PYGO1: variants seen among roughly 807,000 people sequenced by gnomAD.
PYGO1 encodes the protein pygopus homolog 1.
In PYGO1, 6 loss-of-function variants were observed where a neutral mutation model predicts 29.5. That is an observed-to-expected ratio of 0.20 (90% CI 0.11 to 0.40). PYGO1 has a LOEUF of 0.40. PYGO1 is among the 10% of genes least tolerant of loss of function. The pLI, the probability that PYGO1 is intolerant of heterozygous loss-of-function variation, is 1.00. For synonymous variants in PYGO1, 186 were observed against 180.5 expected (o/e 1.03, Z -0.24); for missense variants, 515 against 514.9 (o/e 1.00, Z 0.00).
At chr15:55,548,180 C>T (rs188080101) in intron 2 of PYGO1, among the ~76,000 whole-genome samples, 3 of 151,996 alleles carry the variant, frequency 2.0e-5, no homozygotes, top group African/African-American at 7.2e-5. Context: ...CCACCACACC[C>T]GGCTAATTTT....
intron 1 of PYGO1, among the ~76,000 whole-genome samples, chr15:55,581,850 G>A (rs2059026124): frequency 6.6e-6 from 1 of 152,104 alleles, no homozygotes; most frequent in South Asian, 2.1e-4. Flanking sequence ...ATAATCAAAG[G>A]GATAAGCAAA....
At chr15:55,556,240 G>C (rs1010203472) in intron 1 of PYGO1, among the ~76,000 whole-genome samples, 12 of 152,070 alleles carry the variant, frequency 7.9e-5, no homozygotes, top group East Asian at 3.8e-4. Context: ...CTCTAAAATT[G>C]ATCACAATCG....
intron 1 of PYGO1, among the ~76,000 whole-genome samples, chr15:55,553,331 G>C (rs1567052033): frequency 6.6e-6 from 1 of 152,080 alleles, no homozygotes; most frequent in African/African-American, 2.4e-5. Flanking sequence ...AATCTAGGCA[G>C]TCTGGACAAA....
intron 1 of PYGO1, among the ~76,000 whole-genome samples, chr15:55,577,941 AT>A (rs1401409858): frequency 6.6e-6 from 1 of 151,852 alleles, no homozygotes; most frequent in Non-Finnish European, 1.5e-5. Context: ...TGCTTGGTGA[AT>A]TTTTTTATTT....
At position 55,548,981 on chromosome 15, in the gene PYGO1, G is replaced by A; in HGVS notation, c.64C>T (p.Leu22=). ...LKRVRGGDSG[L]DGLGGPGVQL... is the part of the protein sequence containing the mutation. ...ACACCTGGTCCTCCTAACCCATCCA[G>A]TCCACTATCACCACCTAAAAAAAAA... is the stretch of plus-strand genomic sequence containing the variant. Residue 22 remains leucine, a synonymous_variant, in exon 2 of 3, where the codon CTG becomes TTG. Coordinates refer to ENST00000563719, the MANE Select transcript of PYGO1 (RefSeq NM_001367806.1). 3.1e-6 allele frequency: 5 copies of A among 1,605,750 alleles called. No homozygotes were observed. The highest frequency in any genetic ancestry group is 4.2e-6 in the Non-Finnish European group (5 of 1,177,198).
intron 1 of PYGO1, among the ~76,000 whole-genome samples, chr15:55,579,025 T>A (rs1056944607): frequency 2.6e-5 from 4 of 152,216 alleles, no homozygotes; most frequent in Non-Finnish European, 5.9e-5. Flanking sequence ...TATTTTAATT[T>A]TAATTTGATG....
chr15:55,568,501 G>T (rs1169175468), intron 1 of PYGO1, among the ~76,000 whole-genome samples: 2 of 152,046 alleles, frequency 1.3e-5, no homozygotes, highest in Non-Finnish European at 2.9e-5. Flanking sequence ...TAGCCTTTTG[G>T]TGGAGTCCTT....
chr15:55,574,137 T>C (rs1488291950), intron 1 of PYGO1, among the ~76,000 whole-genome samples: 1 of 152,202 alleles, frequency 6.6e-6, no homozygotes, highest in East Asian at 1.9e-4. Context: ...CTAAAGATGA[T>C]GAAAAATATG....
chr15:55,570,092 C>A (rs990520835), intron 1 of PYGO1, among the ~76,000 whole-genome samples: 3 of 152,198 alleles, frequency 2.0e-5, no homozygotes, highest in African/African-American at 7.2e-5. Context: ...AAAGGTCAGT[C>A]AGAGAGAGGG....
intron 1 of PYGO1, among the ~76,000 whole-genome samples, chr15:55,568,103 T>G (rs1002164877): frequency 2.6e-5 from 4 of 152,232 alleles, no homozygotes; most frequent in African/African-American, 9.6e-5. Flanking sequence ...TTTTTTCCAA[T>G]TCTGTGAAAA....
At chr15:55,565,943 AG>A (rs1259314374) in intron 1 of PYGO1, among the ~76,000 whole-genome samples, 1 of 152,024 alleles carries the variant, frequency 6.6e-6, no homozygotes, top group African/African-American at 2.4e-5. Context: ...CACCACACTC[AG>A]CTAATTTTTG....
Position 55,574,465 on chromosome 15 carries a change from G to A in PYGO1, c.49+13370C>T, listed in dbSNP as rs139612971. 2.0e-4 allele frequency among the ~76,000 whole-genome samples: 30 copies of A among 152,170 alleles called. No individual in the cohort carries two copies. In the South Asian group the frequency reaches 3.3e-3, roughly 17 times the overall value. On this transcript the variant is annotated intron_variant, in intron 1 of 2. Coordinates refer to ENST00000563719, the MANE Select transcript of PYGO1 (RefSeq NM_001367806.1). ...TGTAATAGATTTGTGTAAGTTTTAC[G>A]GTAGTAAATAATAAAGTAGACTAGT... is the stretch of plus-strand genomic sequence containing the variant.
intron 1 of PYGO1, among the ~76,000 whole-genome samples, chr15:55,552,165 G>T (rs2058881593): frequency 6.6e-6 from 1 of 151,800 alleles, no homozygotes; most frequent in Non-Finnish European, 1.5e-5. Context: ...GACCAGCCTG[G>T]CAAACATGGC....
intron 1 of PYGO1, among the ~76,000 whole-genome samples, chr15:55,570,611 T>C (rs1207605849): frequency 6.6e-6 from 1 of 152,046 alleles, no homozygotes; most frequent in Non-Finnish European, 1.5e-5. Flanking sequence ...TTTAAATACA[T>C]TTTAAATTTT....
chr15:55,582,129 C>A (rs2059027485), intron 1 of PYGO1, among the ~76,000 whole-genome samples: 1 of 145,690 alleles, frequency 6.9e-6, no homozygotes, highest in Admixed American at 7.3e-5. Flanking sequence ...ATCGCTTGAA[C>A]CTGGGAGGCA....
intron 1 of PYGO1, among the ~76,000 whole-genome samples, chr15:55,551,394 G>A (rs1350358444): frequency 6.6e-6 from 1 of 152,068 alleles, no homozygotes; most frequent in Admixed American, 6.5e-5. Context: ...AGAAGCAGAG[G>A]GAACACTTCC....
intron 1 of PYGO1, among the ~76,000 whole-genome samples, chr15:55,587,353 A>T (rs909880966): frequency 6.9e-6 from 1 of 144,402 alleles, no homozygotes; most frequent in Non-Finnish European, 1.5e-5. Flanking sequence ...AATAAACTGA[A>T]TATTTGTTGC....
intron 1 of PYGO1, among the ~76,000 whole-genome samples, chr15:55,574,490 T>A (rs1408052249): frequency 1.3e-5 from 2 of 152,234 alleles, no homozygotes; most frequent in African/African-American, 4.8e-5. Context: ...AGTAGACTAG[T>A]GTCTACATAT....
At chr15:55,572,374 C>T (rs1409012450) in intron 1 of PYGO1, among the ~76,000 whole-genome samples, 1 of 152,182 alleles carries the variant, frequency 6.6e-6, no homozygotes, top group African/African-American at 2.4e-5. Context: ...AACTGGACAC[C>T]TATCTTATAA....
Sources: gnomAD v4.1 joint callset for allele counts (sites outside exome capture counted in the v4.1 genomes callset) on GRCh38, gnomAD v4.1.1 for gene constraint, MANE v1.5 for transcripts, NCBI Gene and HGNC (gene_info 2026-07-23, HGNC 2026-07-21) for gene names.